IDE: variants seen among roughly 807,000 people sequenced by gnomAD.
IDE encodes insulin-degrading enzyme.
Under a neutral mutation model 133.2 loss-of-function variants are expected in IDE, and 58 were observed. The ratio of observed to expected loss-of-function variants is 0.44; its 90% CI spans 0.35 to 0.54. IDE has a LOEUF of 0.54. IDE is among the 20% of genes least tolerant of loss of function. The pLI, the probability that IDE is intolerant of heterozygous loss-of-function variation, is 0.00. For synonymous variants in IDE, 396 were observed against 421.3 expected (o/e 0.94, Z 0.73); for missense variants, 981 against 1,234.0 (o/e 0.79, Z 3.07).
intron 1 of IDE, among the ~76,000 whole-genome samples, chr10:92,567,385 A>G (rs1055350488): frequency 1.3e-5 from 2 of 152,134 alleles, no homozygotes; most frequent in Non-Finnish European, 2.9e-5. Flanking sequence ...CCCTACATCA[A>G]TCAATAACTA....
At chr10:92,493,378 T>C (rs1361791116) in intron 11 of IDE, among the ~76,000 whole-genome samples, 1 of 151,718 alleles carries the variant, frequency 6.6e-6, no homozygotes, top group East Asian at 1.9e-4. Flanking sequence ...TACTCTTCCA[T>C]GAAACGCTTG....
chr10:92,519,739 C>A (rs75442105), intron 4 of IDE, among the ~76,000 whole-genome samples: 2 of 152,162 alleles, frequency 1.3e-5, no homozygotes, highest in African/African-American at 2.4e-5. Context: ...ACCTCTCTTA[C>A]GCCTCAGTTT....
rs550710300 is a variant in IDE, at chr10:92,535,047, G to A, written c.284-262C>T. Among the ~76,000 whole-genome samples, 6 of 152,238 alleles carry A rather than the reference G, an allele frequency of 3.9e-5. No homozygotes were observed. The East Asian group carries it at 5.8e-4, about 15-fold the overall frequency. On this transcript the variant is annotated intron_variant, in intron 2 of 24. Coordinates refer to ENST00000265986, the MANE Select transcript of IDE (RefSeq NM_004969.4). ...CTGAACATTAGTTTCCCCACATGCC[G>A]GAGAGGAAGAAAGAGCTGGATTCAC...
intron 2 of IDE, 32 bp from the exon 3 acceptor site, chr10:92,534,817 T>C: frequency 6.5e-6 from 10 of 1,527,044 alleles, no homozygotes; most frequent in Non-Finnish European, 8.1e-6. Flanking sequence ...TAATAAATCA[T>C]TGTCCTATGC....
intron 22 of IDE, among the ~76,000 whole-genome samples, chr10:92,457,582 C>T (rs867741864): frequency 6.6e-6 from 1 of 152,068 alleles, no homozygotes; most frequent in African/African-American, 2.4e-5. Context: ...CCCAACCTTT[C>T]CCTTAACAGC....
chr10:92,478,750 T>C lies in IDE; in HGVS notation c.1884+527A>G, dbSNP rs756132098. On this transcript the variant is annotated intron_variant, in intron 15 of 24. Coordinates refer to ENST00000265986, the MANE Select transcript of IDE (RefSeq NM_004969.4). ...CCTTCAATAACCTGATAAACAGGTA[T>C]GTCATGTTGCAATGGAGAGGATCAG... 10 of 1,270,740 alleles carry C rather than the reference T, an allele frequency of 7.9e-6. No individual in the cohort carries two copies. In the Admixed American group the frequency reaches 9.9e-5, roughly 13 times the overall value. 78.7% of individuals were successfully genotyped at this position (1,270,740 alleles called of 1,614,324 possible). A position where few individuals can be genotyped will look rare whatever the true frequency, so the allele number is the denominator to read the frequency against.
intron 10 of IDE, among the ~76,000 whole-genome samples, chr10:92,505,240 G>A (rs1704625544): frequency 6.6e-6 from 1 of 152,134 alleles, no homozygotes; most frequent in African/African-American, 2.4e-5. Flanking sequence ...TTAAAATGCT[G>A]ACACCTACAG....
intron 1 of IDE, among the ~76,000 whole-genome samples, chr10:92,543,505 T>C (rs2135726586): frequency 6.6e-6 from 1 of 152,298 alleles, no homozygotes; most frequent in Middle Eastern, 3.4e-3. Context: ...GATCATAAAG[T>C]TGGGTACAAA....
chr10:92,451,946 T>A lies in IDE; in HGVS notation c.*2498A>T, dbSNP rs879571859. 3 of 152,204 alleles carry A rather than the reference T, an allele frequency of 2.0e-5. No individual in the cohort carries two copies. The highest frequency in any genetic ancestry group is 4.4e-5 in the Non-Finnish European group (3 of 68,032). 9.4% of individuals were successfully genotyped at this position (152,204 alleles called of 1,614,324 possible). ...TCATCCCTGTAAGGGCAGGAACAAA[T>A]CTTTCTGGGTTTGGAGTCAGTGACA... On this transcript the variant is annotated 3_prime_UTR_variant, in exon 25 of 25. Transcript: ENST00000265986.
chr10:92,508,300 G>A (rs1564633101), intron 7 of IDE, 95 bp from the exon 8 acceptor site: 3 of 926,434 alleles, frequency 3.2e-6, no homozygotes, highest in South Asian at 3.0e-5. Context: ...ATGTTCCTAA[G>A]ATATCAGAAT....
At chr10:92,547,065 C>A (rs944091992) in intron 1 of IDE, among the ~76,000 whole-genome samples, 1 of 152,198 alleles carries the variant, frequency 6.6e-6, no homozygotes, top group East Asian at 1.9e-4. Context: ...CTTAAAGACA[C>A]CTGTCATGGT....
chr10:92,562,894 C>A (rs1843343925), intron 1 of IDE, among the ~76,000 whole-genome samples: 1 of 152,138 alleles, frequency 6.6e-6, no homozygotes, highest in African/African-American at 2.4e-5. Context: ...AATCCCAGCA[C>A]TTTGGGAGGC....
At chr10:92,535,096 TTTTA>T (rs545617668) in intron 2 of IDE, among the ~76,000 whole-genome samples, 2 of 152,058 alleles carry the variant, frequency 1.3e-5, no homozygotes, top group South Asian at 2.1e-4. Context: ...AAAATTTTCT[TTTTA>T]TTTATTTATT....
intron 15 of IDE, among the ~76,000 whole-genome samples, chr10:92,477,271 GC>G (rs1846317118): frequency 6.6e-6 from 1 of 152,096 alleles, no homozygotes; most frequent in African/African-American, 2.4e-5. Context: ...TCCCACCTCA[GC>G]CTCTGGAGTA....
In IDE at chr10:92,487,283, T is replaced by G. The variant is rs757161781; in HGVS notation, c.1569A>C (p.Lys523Asn). The G allele has an allele frequency of 6.2e-7, 1 of 1,612,398 alleles. No individual in the cohort carries two copies. The highest frequency in any genetic ancestry group is 1.7e-5 in the Admixed American group (1 of 59,748). ...GAATAAATTCATTCTTTGTAGGAAG[T>G]TTAAATTTCCCATTCAGGTCAGCAT... ...WQNADLNGKF[K>N]LPTKNEFIPT... Residue 523 changes from lysine (K) to asparagine (N), a missense_variant, in exon 13 of 25, where the codon AAA (lysine) becomes AAC (asparagine). Coordinates refer to ENST00000265986, the MANE Select transcript of IDE (RefSeq NM_004969.4).
At chr10:92,513,840 A>T (rs1329462962) in intron 5 of IDE, among the ~76,000 whole-genome samples, 1 of 152,030 alleles carries the variant, frequency 6.6e-6, no homozygotes, top group Non-Finnish European at 1.5e-5. Flanking sequence ...AGCAGTGAAC[A>T]AAACAAAGTT....
chr10:92,546,702 C>G (rs1040093555), intron 1 of IDE, among the ~76,000 whole-genome samples: 1 of 152,180 alleles, frequency 6.6e-6, no homozygotes, highest in Non-Finnish European at 1.5e-5. Flanking sequence ...ATTCAGTATG[C>G]TAAATCTTTT....
intron 15 of IDE, among the ~76,000 whole-genome samples, chr10:92,477,317 AATTTTTTGT>A (rs1390674705): frequency 6.6e-6 from 1 of 152,044 alleles, no homozygotes; most frequent in Non-Finnish European, 1.5e-5. Flanking sequence ...ATGTCTGGCT[AATTTTTTGT>A]ATTTTTTGTA....
At chr10:92,474,663 A>G (rs1433335971) in intron 17 of IDE, 178 bp downstream of exon 17, 9 of 537,548 alleles carry the variant, frequency 1.7e-5, no homozygotes, top group South Asian at 2.3e-5. Context: ...ATTTAAAAGT[A>G]TATGTTACTG....
Sources: allele counts gnomAD v4.1 joint callset (sites outside exome capture counted in the v4.1 genomes callset), GRCh38; gene constraint gnomAD v4.1.1; transcripts MANE v1.5; gene names NCBI Gene and HGNC (gene_info 2026-07-23, HGNC 2026-07-21).